ATP9B: variants seen among roughly 807,000 people sequenced by gnomAD.
ATP9B encodes probable phospholipid-transporting ATPase IIB.
In ATP9B, 110 loss-of-function variants were observed where a neutral mutation model predicts 146.1. The ratio of observed to expected loss-of-function variants is 0.75; its 90% CI spans 0.65 to 0.88. ATP9B has a LOEUF of 0.88. Among genes scored for constraint, ATP9B ranks in the 40% least tolerant of loss-of-function variants. The pLI is 0.00. For missense variants in ATP9B, 1,499 were observed against 1,496.4 expected (o/e 1.00, Z -0.03); for synonymous variants, 604 against 569.7 (o/e 1.06, Z -0.86).
At chr18:79,299,305 C>T (rs373249613) in intron 13 of ATP9B, among the ~76,000 whole-genome samples, 2 of 152,204 alleles carry the variant, frequency 1.3e-5, no homozygotes, top group African/African-American at 2.4e-5. Context: ...ACCCCCTCCT[C>T]CCTCTCCAGC....
intron 11 of ATP9B, among the ~76,000 whole-genome samples, chr18:79,228,514 A>AT (rs2095757549): frequency 6.6e-6 from 1 of 152,140 alleles, no homozygotes; most frequent in Non-Finnish European, 1.5e-5. Context: ...TGCATCTGTC[A>AT]TTGGTTGGGG....
At chr18:79,148,426 G>T (rs1354988303) in intron 6 of ATP9B, among the ~76,000 whole-genome samples, 1 of 152,158 alleles carries the variant, frequency 6.6e-6, no homozygotes, top group East Asian at 1.9e-4. Context: ...GTTATTCCAG[G>T]TGTGTAAATG....
At chr18:79,354,692 C>T (rs1249664977) in intron 25 of ATP9B, 4 of 151,020 alleles carry the variant, frequency 2.6e-5, no homozygotes, top group Admixed American at 6.6e-5. Flanking sequence ...CAGCTGGAAA[C>T]AGAAGGCTCT....
intron 3 of ATP9B, among the ~76,000 whole-genome samples, chr18:79,112,733 G>A (rs1041582935): frequency 1.3e-5 from 2 of 151,400 alleles, no homozygotes; most frequent in Non-Finnish European, 2.9e-5. Context: ...AAGCTACCTG[G>A]ATGTCCGTGT....
intron 11 of ATP9B, among the ~76,000 whole-genome samples, chr18:79,217,006 C>T (rs1195782616): frequency 6.6e-6 from 1 of 152,146 alleles, no homozygotes; most frequent in Non-Finnish European, 1.5e-5. Flanking sequence ...TAAAACTCTA[C>T]GTGTATTATG....
intron 6 of ATP9B, among the ~76,000 whole-genome samples, chr18:79,154,127 G>T (rs1398385417): frequency 1.7e-5 from 2 of 119,686 alleles, no homozygotes; most frequent in East Asian, 7.3e-4. Flanking sequence ...CTAATTTTTT[G>T]CATTTTTTTT....
Position 79,345,770 on chromosome 18 carries a change from C to A in ATP9B, c.2618-5C>A. ...TTATTTCATCTCACTTTTCTTGCTT[C>A]GCAGGTGATGGAGGAAATGATGTCA... On this transcript the variant is annotated splice_region_variant and splice_polypyrimidine_tract_variant and intron_variant, in intron 22 of 29. Coordinates refer to ENST00000426216, the MANE Select transcript of ATP9B (RefSeq NM_198531.5). 6.2e-7 allele frequency: 1 copy of A among 1,614,196 alleles called. No individual in the cohort carries two copies. Among genetic ancestry groups the A allele is most frequent in the Non-Finnish European group, 8.5e-7 (1 of 1,180,014 alleles).
intron 9 of ATP9B, among the ~76,000 whole-genome samples, chr18:79,193,626 T>C (rs1468496785): frequency 6.6e-6 from 1 of 152,224 alleles, no homozygotes; most frequent in African/African-American, 2.4e-5. Context: ...TTTATATATA[T>C]GTGAGTCTGT....
At chr18:79,138,100 A>G (rs1014930118) in intron 5 of ATP9B, among the ~76,000 whole-genome samples, 5 of 152,212 alleles carry the variant, frequency 3.3e-5, no homozygotes, top group African/African-American at 9.7e-5. Context: ...AGTGTTTTAC[A>G]GCCTAGAGTA....
rs561061927 is a variant in ATP9B, at chr18:79,079,076, G to A, written c.119+9547G>A. On this transcript the variant is annotated intron_variant, in intron 1 of 29. Transcript: ENST00000426216. ...CAGTCTGTCATTGATGGGCATTTGG[G>A]TTGGTTCCAAGTCTTTGCTATTGTG... Among the ~76,000 whole-genome samples the A allele has an allele frequency of 1.1e-4, 17 of 152,274 alleles. No homozygotes were observed. The South Asian group carries it at 3.5e-3, about 32-fold the overall frequency.
chr18:79,208,546 G>A (rs2095555827), intron 10 of ATP9B, among the ~76,000 whole-genome samples: 1 of 152,194 alleles, frequency 6.6e-6, no homozygotes, highest in Non-Finnish European at 1.5e-5. Flanking sequence ...ACGAACTCCA[G>A]GAGGAGGACA....
chr18:79,362,286 A>T (rs2096994325), intron 26 of ATP9B: 1 of 152,188 alleles, frequency 6.6e-6, no homozygotes, highest in African/African-American at 2.4e-5. Flanking sequence ...AGCCAACCTC[A>T]AGTATAAACA....
chr18:79,231,778 G>GTGTATATATATATATA, intron 11 of ATP9B, among the ~76,000 whole-genome samples: 1 of 121,298 alleles, frequency 8.2e-6, no homozygotes. Flanking sequence ...GTGTGTGTGT[G>GTGTATATATATATATA]TATATATATA....
intron 23 of ATP9B, 22 bp downstream of exon 23, chr18:79,345,861 C>T: frequency 6.2e-7 from 1 of 1,613,098 alleles, no homozygotes; most frequent in Middle Eastern, 1.6e-4. Flanking sequence ...CTTTTATCAA[C>T]ACATTAGCAC....
chr18:79,223,283 T>C (rs1443327731), intron 11 of ATP9B, among the ~76,000 whole-genome samples: 1 of 152,104 alleles, frequency 6.6e-6, no homozygotes. Flanking sequence ...GATAATTTAT[T>C]AATATTTTAA....
chr18:79,356,137 G>A (rs1212929777), intron 25 of ATP9B, among the ~76,000 whole-genome samples: 3 of 152,184 alleles, frequency 2.0e-5, no homozygotes, highest in East Asian at 1.9e-4. Flanking sequence ...CAAGCAAGCC[G>A]GTGAAATGAT....
At chr18:79,201,762 G>A (rs2095490610) in intron 9 of ATP9B, among the ~76,000 whole-genome samples, 1 of 151,994 alleles carries the variant, frequency 6.6e-6, no homozygotes, top group South Asian at 2.1e-4. Flanking sequence ...TAGAGACGGG[G>A]TTTCACCATA....
intron 12 of ATP9B, among the ~76,000 whole-genome samples, chr18:79,271,526 A>G (rs1411979393): frequency 1.3e-5 from 2 of 152,042 alleles, no homozygotes; most frequent in South Asian, 2.1e-4. Context: ...GCTGAGAATG[A>G]TGGTTTCCAG....
intron 13 of ATP9B, among the ~76,000 whole-genome samples, chr18:79,290,717 G>GGGAGCTGTAGACT (rs2096494816): frequency 1.3e-5 from 2 of 152,222 alleles, no homozygotes; most frequent in African/African-American, 4.8e-5. Flanking sequence ...TGCTCACGCT[G>GGGAGCTGTAGACT]GGAGCTGTAG....
Sources: allele counts gnomAD v4.1 joint callset (sites outside exome capture counted in the v4.1 genomes callset), GRCh38; gene constraint gnomAD v4.1.1; transcripts MANE v1.5; gene names NCBI Gene and HGNC (gene_info 2026-07-23, HGNC 2026-07-21).